FLII: variants seen among roughly 807,000 people sequenced by gnomAD.
FLII encodes the protein protein flightless-1 homolog.
In FLII, 101 loss-of-function variants were observed where a neutral mutation model predicts 156.2. The ratio of observed to expected loss-of-function variants is 0.65; its 90% confidence interval spans 0.55 to 0.76. The LOEUF is 0.76. FLII is among the 30% of genes least tolerant of loss of function. FLII has a pLI of 0.00. For missense variants in FLII, 1,675 were observed against 1,682.8 expected (o/e 1.00, Z 0.08); for synonymous variants, 767 against 685.8 (o/e 1.12, Z -1.85).
At position 18,252,117 on chromosome 17, in the gene FLII, C is replaced by T; in HGVS notation, c.1128G>A (p.Leu376=). ...EVLDVRENPN[L]VMPPKPADRA... Reference sequence around the variant, plus strand: ...GGTCTGCGGGCTTGGGCGGCATGACCAGGTTGGGGTTCTCCCGCACATCCA... The same window carrying T: ...GGTCTGCGGGCTTGGGCGGCATGACTAGGTTGGGGTTCTCCCGCACATCCA... The change falls in exon 11 of 30, where the codon CTG becomes CTA. Residue 376 remains leucine, a synonymous_variant. Transcript: ENST00000327031. 3 of 1,613,400 alleles carry T rather than the reference C, an allele frequency of 1.9e-6. No individual in the cohort carries two copies. Among genetic ancestry groups the T allele is most frequent in the Non-Finnish European group, 2.5e-6 (3 of 1,180,038 alleles).
Position 18,245,915 on chromosome 17 carries a change from T to TGCCC in FLII, c.3396+15_3396+18dup, listed in dbSNP as rs777419957. The TGCCC allele has an allele frequency of 3.1e-6, 5 of 1,613,446 alleles. No individual in the cohort carries two copies. In the South Asian group the frequency reaches 3.3e-5, roughly 11 times the overall value. ...CCTGGCTCCTCTGTGTGTGCCCGCCTGCCCGCCCGCCTCCTGACCTGCTTG... is the reference window on the plus strand; with the variant it reads ...CCTGGCTCCTCTGTGTGTGCCCGCCTGCCCGCCCGCCCGCCTCCTGACCTGCTTG... On this transcript the variant is annotated intron_variant, in intron 26 of 29. Coordinates refer to ENST00000327031, the MANE Select transcript of FLII (RefSeq NM_002018.4).
chr17:18,248,834 C>T lies in FLII; in HGVS notation c.1984G>A (p.Ala662Thr). ...RGLDIYVWRG[A>T]QATLSSTTKA... Reference sequence around the variant, plus strand: ...GTGGTGCTGCTCAGTGTGGCCTGGGCCCCCCGCCATACGTAGATGTCTAGC... The same window carrying T: ...GTGGTGCTGCTCAGTGTGGCCTGGGTCCCCCGCCATACGTAGATGTCTAGC... Residue 662 changes from alanine to threonine, a missense_variant, in exon 17 of 30, where the codon GCC (alanine) becomes ACC (threonine). Ala to Thr is a moderately conservative substitution (Grantham distance 58, BLOSUM62 0). Transcript: ENST00000327031. The T allele has an allele frequency of 1.9e-6, 3 of 1,613,598 alleles. No individual in the cohort carries two copies. The highest frequency in any genetic ancestry group is 8.5e-7 in the Non-Finnish European group (1 of 1,179,736).
chr17:18,247,883 C>CA (rs749823290), intron 19 of FLII, 35 bp from the exon 20 acceptor site: 1 of 1,613,672 alleles, frequency 6.2e-7, no homozygotes, highest in South Asian at 1.1e-5. Context: ...AAAGCCCAGC[C>CA]AACGGGGAGG....
At position 18,252,070 on chromosome 17, in the gene FLII, ATGT is replaced by A. The variant is rs2048288799; in HGVS notation, c.1172_1174del (p.Asn391del). 1.9e-6 allele frequency: 3 copies of A among 1,613,290 alleles called. No individual in the cohort carries two copies. Among genetic ancestry groups the A allele is most frequent in the Non-Finnish European group, 1.7e-6 (2 of 1,180,042 alleles). On this transcript the variant is annotated inframe_deletion, in exon 11 of 30. Transcript: ENST00000327031. ...CAGCTGGTTCTGCAGCGAGAAGTCGATGTTGTACCACTCAGCGGCACGGTCTGC... is the reference window on the plus strand; with the variant it reads ...CAGCTGGTTCTGCAGCGAGAAGTCGATGTACCACTCAGCGGCACGGTCTGC...
intron 20 of FLII, 97 bp from the exon 21 acceptor site, chr17:18,247,454 G>C (rs2048114928): frequency 7.8e-6 from 10 of 1,286,314 alleles, no homozygotes; most frequent in Non-Finnish European, 9.8e-6. Context: ...GGGAGATCTA[G>C]GGCGGGGCTT....
chr17:18,248,523 A>C lies in FLII; in HGVS notation c.2190+27T>G, dbSNP rs751809585. The C allele has an allele frequency of 5.1e-6, 8 of 1,575,206 alleles. No individual in the cohort carries two copies. The South Asian group carries it at 9.0e-5, about 18-fold the overall frequency. On this transcript the variant is annotated intron_variant, in intron 18 of 29. Coordinates refer to ENST00000327031, the MANE Select transcript of FLII (RefSeq NM_002018.4). ...AGTCGGTGGGTGAACTTGGGAGGCCAAGGTGGGCCTCAGCAGCAGGGCTCA... is the reference window on the plus strand; with the variant it reads ...AGTCGGTGGGTGAACTTGGGAGGCCCAGGTGGGCCTCAGCAGCAGGGCTCA...
Position 18,248,885 on chromosome 17 carries a change from T to C in FLII, c.1935-2A>G. The C allele has an allele frequency of 6.2e-7, 1 of 1,613,286 alleles. No individual in the cohort carries two copies. The highest frequency in any genetic ancestry group is 1.1e-5 in the South Asian group (1 of 91,064). On this transcript the variant is annotated splice_acceptor_variant, in intron 16 of 29. Transcript: ENST00000327031. LOFTEE classifies it high-confidence loss of function. ...CCTCGGTCCAGCAGGAAAACAAACC[T>C]GGACAAGAAGGGGCAGGAAGGAGCT... is the stretch of plus-strand genomic sequence containing the variant.
At position 18,258,702 on chromosome 17, in the gene FLII, C is replaced by T; in HGVS notation, c.-12G>A. The T allele has an allele frequency of 1.4e-6, 2 of 1,467,978 alleles. No individual in the cohort carries two copies. The highest frequency in any genetic ancestry group is 1.3e-5 in the South Asian group (1 of 76,954). 90.9% of individuals were successfully genotyped at this position (1,467,978 alleles called of 1,614,324 possible). A position where few individuals can be genotyped will look rare whatever the true frequency, so the allele number is the denominator to read the frequency against. On this transcript the variant is annotated 5_prime_UTR_variant, in exon 1 of 30. Coordinates refer to ENST00000327031, the MANE Select transcript of FLII (RefSeq NM_002018.4). This position sits in a 1 kb window ranked among gnomAD's most constrained non-coding sequence, Gnocchi z 4.2. Reference sequence around the variant, plus strand: ...CCGGTGGCCTCCATGGCGCCGCTCTCGCTGCCGGGCCGCGCCGGGCTAGGG... The same window carrying T: ...CCGGTGGCCTCCATGGCGCCGCTCTTGCTGCCGGGCCGCGCCGGGCTAGGG...
chr17:18,251,830 C>A lies in FLII; in HGVS notation c.1247-14G>T. 6.2e-7 allele frequency: 1 copy of A among 1,613,258 alleles called. No individual in the cohort carries two copies. Among genetic ancestry groups the A allele is most frequent in the Non-Finnish European group, 8.5e-7 (1 of 1,179,982 alleles). The stretch of plus-strand genomic sequence containing the variant: ...GCCCACTCCCTGCTTAGGGGAGGGG[C>A]AAACAGCTGAGCCCTCACTGGGCCT... On this transcript the variant is annotated splice_polypyrimidine_tract_variant and intron_variant, in intron 11 of 29. Coordinates refer to ENST00000327031, the MANE Select transcript of FLII (RefSeq NM_002018.4).
At chr17:18,253,167 G>A (rs2048319869) in intron 9 of FLII, 134 bp downstream of exon 9, 2 of 926,828 alleles carry the variant, frequency 2.2e-6, no homozygotes, top group African/African-American at 1.7e-5. Context: ...AAAAAGAAAA[G>A]AAAAGAAAAG....
rs777380750 is a variant in FLII at position 18,252,032 on chromosome 17, C to G, written c.1213G>C (p.Ala405Pro). 1 of 1,613,098 alleles carries G rather than the reference C, an allele frequency of 6.2e-7. No individual in the cohort carries two copies. The highest frequency in any genetic ancestry group is 8.5e-7 in the Non-Finnish European group (1 of 1,179,904). Residue 405 changes from alanine (A) to proline (P), a missense_variant, in exon 11 of 30, where the codon GCC (alanine) becomes CCC (proline). By Grantham distance (27) the Ala-to-Pro change is conservative. Coordinates refer to ENST00000327031, the MANE Select transcript of FLII (RefSeq NM_002018.4). ...SLQNQLRLAG[A>P]SPATVAAAAA... ...GCTGCAGCCACGGTAGCAGGAGAGG[C>G]ACCCGCTAGCCGCAGCTGGTTCTGC...
chr17:18,258,995 C>T (rs1201444278), upstream of FLII: 2 of 199,074 alleles, frequency 1.0e-5, no homozygotes, highest in African/African-American at 2.3e-5. This position sits in a 1 kb window ranked among gnomAD's most constrained non-coding sequence, Gnocchi z 4.2. Flanking sequence ...GAGGCACCGT[C>T]ACCTGCGCTG....
chr17:18,244,820 A>G lies in FLII; in HGVS notation c.*318T>C. Reference sequence around the variant, plus strand: ...TTTTGTTAAAATTAGCGCCATTTTAATATTAAAAATACTGATTTTTAATAT... The same window carrying G: ...TTTTGTTAAAATTAGCGCCATTTTAGTATTAAAAATACTGATTTTTAATAT... On this transcript the variant is annotated 3_prime_UTR_variant, in exon 30 of 30. Coordinates refer to ENST00000327031, the MANE Select transcript of FLII (RefSeq NM_002018.4). 2.7e-6 allele frequency: 1 copy of G among 372,084 alleles called. No individual in the cohort carries two copies. Among genetic ancestry groups the G allele is most frequent in the Non-Finnish European group, 4.8e-6 (1 of 210,364 alleles). The allele number at this position is 372,084 out of a possible 1,614,324, so 23.0% of individuals were successfully genotyped here. A position where few individuals can be genotyped will look rare whatever the true frequency, so the allele number is the denominator to read the frequency against.
chr17:18,256,454 G>T, intron 3 of FLII, 72 bp downstream of exon 3: 1 of 1,256,960 alleles, frequency 8.0e-7, no homozygotes, highest in Non-Finnish European at 1.1e-6. Flanking sequence ...TTGGTGTCTA[G>T]CCCAGGCTTC....
At chr17:18,256,203 T>C (rs2048411485) in intron 3 of FLII, among the ~76,000 whole-genome samples, 1 of 152,248 alleles carries the variant, frequency 6.6e-6, no homozygotes, top group South Asian at 2.1e-4. Flanking sequence ...CTAGAGCATA[T>C]GAAAAAATCC....
In FLII at chr17:18,254,695, A is replaced by C; in HGVS notation, c.414-13T>G. ...GATGGTGTCGATGCTACGGGTGGGG[A>C]GCAGGAGCCACCTGAGTCAGCACCA... On this transcript the variant is annotated splice_polypyrimidine_tract_variant and intron_variant, in intron 5 of 29. Transcript: ENST00000327031. 1.2e-6 allele frequency: 2 copies of C among 1,613,548 alleles called. No individual in the cohort carries two copies.
chr17:18,250,819 A>G lies in FLII; in HGVS notation c.1776+19T>C. 1 of 1,598,834 alleles carries G rather than the reference A, an allele frequency of 6.3e-7. No individual in the cohort carries two copies. The highest frequency in any genetic ancestry group is 2.2e-5 in the East Asian group (1 of 44,520). ...TGGGAACCCCACTCTGCCCACCCCCAATTTTAACGGGCTGGCACCTGCAGG... is the reference window on the plus strand; with the variant it reads ...TGGGAACCCCACTCTGCCCACCCCCGATTTTAACGGGCTGGCACCTGCAGG... On this transcript the variant is annotated intron_variant, in intron 14 of 29. Coordinates refer to ENST00000327031, the MANE Select transcript of FLII (RefSeq NM_002018.4).
Position 18,258,343 on chromosome 17 carries a change from G to C in FLII, c.63+285C>G. ...GATCCCCAGGCCACCATCCAGCCTA[G>C]ACCGAGAACACGGACGCGGGGTGGG... On this transcript the variant is annotated intron_variant, in intron 1 of 29. Coordinates refer to ENST00000327031, the MANE Select transcript of FLII (RefSeq NM_002018.4). This position sits in a 1 kb window ranked among gnomAD's most constrained non-coding sequence, Gnocchi z 4.2. 4.1e-6 allele frequency: 3 copies of C among 740,656 alleles called. No homozygotes were observed. The highest frequency in any genetic ancestry group is 4.3e-6 in the Non-Finnish European group (2 of 470,410). 45.9% of individuals were successfully genotyped at this position (740,656 alleles called of 1,614,324 possible).
In FLII at chr17:18,247,352, G is replaced by A; in HGVS notation, c.2493C>T (p.Phe831=). Residue 831 remains phenylalanine (F), a synonymous_variant, in exon 21 of 30, where the codon TTC becomes TTT. Transcript: ENST00000327031. ...RSLEGTEAQV[F]KAKFKNWDDV... ...CGTCCCAATTCTTGAACTTGGCCTT[G>A]AACACCTGCCAGGGAGGCCATCAAC... 2 of 1,601,472 alleles carry A rather than the reference G, an allele frequency of 1.2e-6. No individual in the cohort carries two copies. Among genetic ancestry groups the A allele is most frequent in the Non-Finnish European group, 1.7e-6 (2 of 1,174,848 alleles).
Sources: gnomAD v4.1 joint callset for allele counts (sites outside exome capture counted in the v4.1 genomes callset) on GRCh38, gnomAD v4.1.1 for gene constraint, Gnocchi (gnomAD v3.1) non-coding constraint, MANE v1.5 for transcripts, NCBI Gene and HGNC (gene_info 2026-07-23, HGNC 2026-07-21) for gene names.